Variants in LAMC3 observed in about 807,000 individuals in gnomAD.
LAMC3 encodes the protein laminin subunit gamma 3.
A neutral mutation model predicts 173.8 loss-of-function variants in LAMC3; 128 were observed. That is an observed-to-expected ratio of 0.74 (90% CI 0.64 to 0.85). LAMC3 has a LOEUF of 0.85. Ranked by LOEUF, LAMC3 falls within the 40% of genes least tolerant of loss-of-function variation. The pLI is 0.00. For missense variants in LAMC3, 2,022 were observed against 2,156.0 expected (o/e 0.94, Z 1.23); for synonymous variants, 897 against 909.1 (o/e 0.99, Z 0.24).
In LAMC3 at chr9:131,071,406, G is replaced by C; in HGVS notation, c.3070-78G>C. ...AGGGAACCCCCAGGGAGAGTGGCAG[G>C]GTAGAAGCCAGCGGGAGTGTCTGGG... On this transcript the variant is annotated intron_variant, in intron 17 of 27. Coordinates refer to ENST00000361069, the MANE Select transcript of LAMC3 (RefSeq NM_006059.4). The C allele has an allele frequency of 1.3e-5, 20 of 1,543,988 alleles. 1 individual carries two copies. Among genetic ancestry groups the C allele is most frequent in the Non-Finnish European group, 1.8e-5 (20 of 1,125,336 alleles).
At chr9:131,076,118 G>A (rs1171883350) in intron 21 of LAMC3, among the ~76,000 whole-genome samples, 153 bp downstream of exon 21, 2 of 152,134 alleles carry the variant, frequency 1.3e-5, no homozygotes, top group Non-Finnish European at 2.9e-5. Context: ...CTCGGAGTGG[G>A]GCCACAGGGT....
At chr9:131,036,491 G>A (rs1833948270) in intron 4 of LAMC3, among the ~76,000 whole-genome samples, 159 bp downstream of exon 4, 1 of 152,096 alleles carries the variant, frequency 6.6e-6, no homozygotes, top group South Asian at 2.1e-4. Flanking sequence ...CGAGCAGAAG[G>A]GGAGCCTGGG....
intron 23 of LAMC3, 81 bp downstream of exon 23, chr9:131,079,379 A>C: frequency 6.5e-7 from 1 of 1,543,372 alleles, no homozygotes; most frequent in Non-Finnish European, 8.9e-7. Context: ...GGGTTGCAGG[A>C]GGGAGAAGGG....
chr9:131,034,156 C>T (rs891733693), intron 3 of LAMC3, among the ~76,000 whole-genome samples: 1 of 152,204 alleles, frequency 6.6e-6, no homozygotes. Flanking sequence ...CTGCTCATGG[C>T]AGGGGACAGG....
chr9:131,048,955 T>TGGCAGCTGGAGACCATCCTCCGGGGCC, intron 8 of LAMC3, 65 bp from the exon 9 acceptor site: 3 of 1,003,076 alleles, frequency 3.0e-6, no homozygotes, highest in Non-Finnish European at 4.4e-6. Flanking sequence ...CACCTGGGGC[T>TGGCAGCTGGAGACCATCCTCCGGGGCC]GGCACCTGGA....
intron 11 of LAMC3, among the ~76,000 whole-genome samples, chr9:131,056,494 G>GGA (rs1554787910): frequency 6.4e-5 from 9 of 139,962 alleles, no homozygotes; most frequent in Non-Finnish European, 1.1e-4. Context: ...TTGACAATTT[G>GGA]AAAAATAAAA....
rs770781595 is a variant in LAMC3 at position 131,071,634 on chromosome 9, G to C, written c.3211+9G>C. On this transcript the variant is annotated intron_variant, in intron 18 of 27. Coordinates refer to ENST00000361069, the MANE Select transcript of LAMC3 (RefSeq NM_006059.4). Reference sequence around the variant, plus strand: ...CCATCACCTGCTTCCAGGTACAGCAGGAGCGCAGAGCGGGAGGGTGGGAGG... The same window carrying C: ...CCATCACCTGCTTCCAGGTACAGCACGAGCGCAGAGCGGGAGGGTGGGAGG... 6.4e-7 allele frequency: 1 copy of C among 1,568,216 alleles called. No individual in the cohort carries two copies. Among genetic ancestry groups the C allele is most frequent in the South Asian group, 1.2e-5 (1 of 84,058 alleles).
chr9:131,041,012 G>C (rs570685552), intron 6 of LAMC3, among the ~76,000 whole-genome samples: 1 of 152,122 alleles, frequency 6.6e-6, no homozygotes, highest in East Asian at 1.9e-4. Flanking sequence ...TGGATAGGTG[G>C]CTGCTGGACA....
chr9:131,049,160 G>T (rs775240287), intron 9 of LAMC3, 30 bp downstream of exon 9: 4 of 1,336,188 alleles, frequency 3.0e-6, no homozygotes, highest in East Asian at 5.0e-5. Flanking sequence ...GGGGCTGGCC[G>T]CCCTGTGTCG....
chr9:131,079,405 C>CTACT, intron 23 of LAMC3, 107 bp downstream of exon 23: 3 of 1,380,406 alleles, frequency 2.2e-6, no homozygotes, highest in Non-Finnish European at 2.0e-6. Context: ...ACAGAAGTAG[C>CTACT]TCTGTCCGGC....
chr9:131,053,087 C>T (rs1834331185), intron 11 of LAMC3, 122 bp downstream of exon 11: 1 of 789,418 alleles, frequency 1.3e-6, no homozygotes, highest in African/African-American at 1.7e-5. Flanking sequence ...TCCTGTTTTG[C>T]CAAGAAGGAA....
Position 131,043,325 on chromosome 9 carries a change from T to C in LAMC3, c.1382+1590T>C, listed in dbSNP as rs80076693. 8.4e-3 allele frequency among the ~76,000 whole-genome samples: 1,273 copies of C among 152,334 alleles called. 14 individuals carry two copies. The highest frequency in any genetic ancestry group is 0.028 in the African/African-American group (1,179 of 41,566). ...CTCCTTGGGTACACACTATCTCTTC[T>C]TCCTGGCTTTGTGTCTGACATTCAC... On this transcript the variant is annotated intron_variant, in intron 7 of 27. Transcript: ENST00000361069.
chr9:131,091,728 A>C lies in LAMC3; in HGVS notation c.4669A>C (p.Lys1557Gln). The C allele has an allele frequency of 6.2e-7, 1 of 1,613,320 alleles. No homozygotes were observed. Residue 1557 changes from lysine (K) to glutamine (Q), a missense_variant, in exon 28 of 28, where the codon AAA becomes CAA. Coordinates refer to ENST00000361069, the MANE Select transcript of LAMC3 (RefSeq NM_006059.4). Reference protein sequence around the residue: ...ESDLAEIRADKQNLEAILHSL... With the variant: ...ESDLAEIRADQQNLEAILHSL... ...TGACCTCGCCGAGATCCGCGCCGAC[A>C]AACAGAACCTGGAGGCCATTCTGCA...
rs1317396388 is a variant in LAMC3, at chr9:131,032,027, C to A, written c.679-18C>A. ...TACTCAGGAACCTGCTGATGGCACC[C>A]TCTCCCCTCTGCCCCAGGAGTGGGT... On this transcript the variant is annotated intron_variant, in intron 2 of 27. Transcript: ENST00000361069. 4 of 1,614,164 alleles carry A rather than the reference C, an allele frequency of 2.5e-6. No individual in the cohort carries two copies. In the East Asian group the frequency reaches 8.9e-5, roughly 36 times the overall value.
chr9:131,087,338 AT>A (rs1212838873), intron 25 of LAMC3, 137 bp from the exon 26 acceptor site: 1 of 1,123,838 alleles, frequency 8.9e-7, no homozygotes, highest in Non-Finnish European at 1.4e-6. Flanking sequence ...TTCAGTACAT[AT>A]TTGTTGCGTG....
intron 25 of LAMC3, among the ~76,000 whole-genome samples, chr9:131,086,714 C>T (rs571872686): frequency 1.1e-4 from 17 of 151,412 alleles, no homozygotes; most frequent in African/African-American, 3.6e-4. Context: ...ATGGTGAAAC[C>T]CTGTCTCTAC....
intron 4 of LAMC3, among the ~76,000 whole-genome samples, chr9:131,037,414 G>A (rs1386698828): frequency 6.6e-6 from 1 of 152,156 alleles, no homozygotes; most frequent in Non-Finnish European, 1.5e-5. Context: ...CATTGCAGCC[G>A]ATGCCTTGGG....
At chr9:131,036,371 G>A in intron 4 of LAMC3, 39 bp downstream of exon 4, 1 of 1,611,332 alleles carries the variant, frequency 6.2e-7, no homozygotes, top group Non-Finnish European at 8.5e-7. Context: ...GGGACCCGAG[G>A]CTGGTGTTGC....
intron 1 of LAMC3, among the ~76,000 whole-genome samples, chr9:131,023,070 C>T (rs1588138700): frequency 1.3e-5 from 2 of 152,146 alleles, no homozygotes; most frequent in South Asian, 2.1e-4. Flanking sequence ...TTAACGTTCT[C>T]GTGGTTCATT....
Sources: gnomAD v4.1 joint callset for allele counts (sites outside exome capture counted in the v4.1 genomes callset) on GRCh38, gnomAD v4.1.1 for gene constraint, MANE v1.5 for transcripts, NCBI Gene and HGNC (gene_info 2026-07-23, HGNC 2026-07-21) for gene names.